The following SLC4A10 variants were observed in gnomAD, a reference collection of about 807,000 sequenced individuals.
SLC4A10 encodes the protein sodium-driven chloride bicarbonate exchanger.
A neutral mutation model predicts 137.7 loss-of-function variants in SLC4A10; 42 were observed. The observed-to-expected ratio is 0.30, with a 90% confidence interval of 0.24 to 0.39. The LOEUF (loss-of-function observed/expected upper bound fraction) is 0.39. Among genes scored for constraint, SLC4A10 ranks in the 10% least tolerant of loss-of-function variants. SLC4A10 has a pLI of 1.00. For synonymous variants in SLC4A10, 474 were observed against 464.1 expected (o/e 1.02, Z -0.27); for missense variants, 925 against 1,355.0 (o/e 0.68, Z 4.98).
At chr2:161,751,175 ATTTG>A (rs2048926522) in intron 1 of SLC4A10, among the ~76,000 whole-genome samples, 1 of 151,380 alleles carries the variant, frequency 6.6e-6, no homozygotes, top group African/African-American at 2.4e-5. Context: ...TGTTGTTGTT[ATTTG>A]TTTGTTCGTT....
rs141687003 is a variant in SLC4A10, at chr2:161,668,498, A to G, written c.48+43932A>G. Reference sequence around the variant, plus strand: ...CAGAAGTAGTGAGTTTCTCACTACTAGAAGTAATCAACTAGAGAACATGTG... The same window carrying G: ...CAGAAGTAGTGAGTTTCTCACTACTGGAAGTAATCAACTAGAGAACATGTG... On this transcript the variant is annotated intron_variant, in intron 1 of 26. Transcript: ENST00000446997. 1.5e-3 allele frequency among the ~76,000 whole-genome samples: 230 copies of G among 151,906 alleles called. 1 individual carries two copies. The highest frequency in any genetic ancestry group is 4.5e-3 in the African/African-American group (186 of 41,548).
intron 2 of SLC4A10, among the ~76,000 whole-genome samples, chr2:161,778,103 TC>T (rs1235412819): frequency 1.5e-5 from 2 of 132,120 alleles, no homozygotes; most frequent in East Asian, 2.0e-4. Context: ...CTTTCTACAG[TC>T]TGAGAACATA....
chr2:161,821,183 G>A (rs2057588282), intron 3 of SLC4A10, among the ~76,000 whole-genome samples: 1 of 152,014 alleles, frequency 6.6e-6, no homozygotes, highest in African/African-American at 2.4e-5. Context: ...AGTTTTATGT[G>A]TTTTAAATAT....
intron 2 of SLC4A10, among the ~76,000 whole-genome samples, chr2:161,789,315 C>T (rs1362394135): frequency 6.6e-6 from 1 of 152,136 alleles, no homozygotes; most frequent in Non-Finnish European, 1.5e-5. Context: ...CCCAACCTAT[C>T]CTTTACATGG....
chr2:161,800,228 C>G (rs1425837260), intron 2 of SLC4A10, among the ~76,000 whole-genome samples: 1 of 152,054 alleles, frequency 6.6e-6, no homozygotes, highest in African/African-American at 2.4e-5. Context: ...AGTTCCACAT[C>G]ATGAATTTTA....
At chr2:161,943,430 G>A (rs1002016108) in intron 16 of SLC4A10, among the ~76,000 whole-genome samples, 5 of 151,942 alleles carry the variant, frequency 3.3e-5, no homozygotes, top group Non-Finnish European at 4.4e-5. Flanking sequence ...TCAAGAAAGA[G>A]CATGGCAACA....
At chr2:161,961,610 A>C (rs980461444) in intron 21 of SLC4A10, among the ~76,000 whole-genome samples, 1 of 151,412 alleles carries the variant, frequency 6.6e-6, no homozygotes, top group Non-Finnish European at 1.5e-5. Context: ...GTAAGTGAAA[A>C]GCATTTATTA....
chr2:161,804,842 A>G (rs2055758886), intron 3 of SLC4A10, among the ~76,000 whole-genome samples: 1 of 152,114 alleles, frequency 6.6e-6, no homozygotes, highest in South Asian at 2.1e-4. Flanking sequence ...AAAGCTCAAA[A>G]ACTCTTGATA....
At chr2:161,960,644 C>T (rs888051493) in intron 21 of SLC4A10, among the ~76,000 whole-genome samples, 3 of 150,516 alleles carry the variant, frequency 2.0e-5, no homozygotes, top group Admixed American at 6.6e-5. Flanking sequence ...TACTTGAACC[C>T]GGGAGGTGAA....
At chr2:161,758,103 T>C (rs770458097) in intron 1 of SLC4A10, among the ~76,000 whole-genome samples, 1 of 151,968 alleles carries the variant, frequency 6.6e-6, no homozygotes, top group Non-Finnish European at 1.5e-5. Context: ...TTAGTATTTG[T>C]ATAATTAAGA....
chr2:161,885,014 C>T (rs2062132676), intron 10 of SLC4A10, among the ~76,000 whole-genome samples: 1 of 151,972 alleles, frequency 6.6e-6, no homozygotes, highest in Non-Finnish European at 1.5e-5. Context: ...CTCGTCTCTA[C>T]TAAAAATACA....
chr2:161,682,842 T>G (rs1166452495), intron 1 of SLC4A10, among the ~76,000 whole-genome samples: 4 of 152,090 alleles, frequency 2.6e-5, no homozygotes, highest in Non-Finnish European at 5.9e-5. Flanking sequence ...TGGCAGTTCA[T>G]GGCTCCCCAT....
At chr2:161,971,047 C>T (rs988643154) in intron 23 of SLC4A10, among the ~76,000 whole-genome samples, 1 of 152,240 alleles carries the variant, frequency 6.6e-6, no homozygotes, top group African/African-American at 2.4e-5. Context: ...GACTTTGGTA[C>T]TTTTCATAAT....
intron 1 of SLC4A10, among the ~76,000 whole-genome samples, chr2:161,754,207 C>T (rs2049330592): frequency 6.6e-6 from 1 of 151,990 alleles, no homozygotes; most frequent in Admixed American, 6.6e-5. Flanking sequence ...TTGCTGACTT[C>T]TTGAGTTGTA....
chr2:161,751,647 C>T (rs775459925), intron 1 of SLC4A10, among the ~76,000 whole-genome samples: 2 of 151,676 alleles, frequency 1.3e-5, no homozygotes, highest in Non-Finnish European at 3.0e-5. Flanking sequence ...TCCTATTCCG[C>T]CATCTTGCTG....
intron 1 of SLC4A10, among the ~76,000 whole-genome samples, chr2:161,699,051 G>A (rs574260051): frequency 3.5e-4 from 53 of 152,084 alleles, no homozygotes; most frequent in African/African-American, 1.1e-3. Flanking sequence ...ATGGAGTCTC[G>A]CTCTGTCGCC....
chr2:161,770,925 A>T, intron 1 of SLC4A10, 48 bp from the exon 2 acceptor site: 1 of 1,345,814 alleles, frequency 7.4e-7, no homozygotes, highest in South Asian at 1.3e-5. Flanking sequence ...TTTGAAATTG[A>T]GATAATATGT....
At chr2:161,964,398 G>C in intron 22 of SLC4A10, 90 bp downstream of exon 22, 9 of 1,326,818 alleles carry the variant, frequency 6.8e-6, no homozygotes, top group Non-Finnish European at 9.5e-6. Context: ...TGGAACAACA[G>C]AGTCATTTTG....
chr2:161,800,451 G>A (rs1331479746), intron 2 of SLC4A10, among the ~76,000 whole-genome samples: 2 of 151,982 alleles, frequency 1.3e-5, no homozygotes, highest in African/African-American at 4.8e-5. Flanking sequence ...GGATACATCA[G>A]TCGACAAATC....
Sources: allele counts gnomAD v4.1 joint callset (sites outside exome capture counted in the v4.1 genomes callset), GRCh38; gene constraint gnomAD v4.1.1; transcripts MANE v1.5; gene names NCBI Gene and HGNC (gene_info 2026-07-23, HGNC 2026-07-21).